The following MYO6 variants were observed in gnomAD, a reference collection of about 807,000 sequenced individuals.
MYO6 encodes myosin VI.
MYO6 carries 74 observed loss-of-function variants against 178.7 expected under a neutral mutation model. That is an observed-to-expected ratio of 0.41 (90% CI 0.34 to 0.50). MYO6 has a LOEUF of 0.50. Among genes scored for constraint, MYO6 ranks in the 20% least tolerant of loss-of-function variants. MYO6 has a pLI of 0.09. For synonymous variants in MYO6, 477 were observed against 504.6 expected, an observed-to-expected ratio of 0.95 and a Z score of 0.73; for missense variants, 1,330 against 1,547.4, an observed-to-expected ratio of 0.86 and a Z score of 2.36.
At chr6:75,794,439 G>A (rs1205981357) in intron 1 of MYO6, among the ~76,000 whole-genome samples, 2 of 152,036 alleles carry the variant, frequency 1.3e-5, no homozygotes, top group Non-Finnish European at 2.9e-5. Context: ...AATAAAAAGG[G>A]GTACGAATAA....
Position 75,844,039 on chromosome 6 carries a change from C to T in MYO6, c.817-858C>T, listed in dbSNP as rs534806600. On this transcript the variant is annotated intron_variant, in intron 9 of 34. Coordinates refer to ENST00000369977, the MANE Select transcript of MYO6 (RefSeq NM_004999.4). ...ATCCTGTTCTCTGTGTACATCCTTTCTGATCAGATTTGCCCAATTCCATCT... is the reference window on the plus strand; with the variant it reads ...ATCCTGTTCTCTGTGTACATCCTTTTTGATCAGATTTGCCCAATTCCATCT... Among the ~76,000 whole-genome samples, 4 of 152,260 alleles carry T rather than the reference C, an allele frequency of 2.6e-5. No individual in the cohort carries two copies. The South Asian group carries it at 8.3e-4, about 32-fold the overall frequency.
intron 9 of MYO6, among the ~76,000 whole-genome samples, chr6:75,841,804 A>C (rs1012135907): frequency 2.6e-5 from 4 of 152,198 alleles, no homozygotes; most frequent in Non-Finnish European, 5.9e-5. Flanking sequence ...CTTACATTGG[A>C]TCAAGTATAA....
rs750376415 is a variant in MYO6 at position 75,858,967 on chromosome 6, T to A, written c.1447T>A (p.Phe483Ile). The A allele has an allele frequency of 1.2e-6, 2 of 1,605,586 alleles. No homozygotes were observed. The highest frequency in any genetic ancestry group is 1.7e-6 in the Non-Finnish European group (2 of 1,173,108). ...CTATTGCAATGAAAAACTTCAACAA[T>A]TTTTTAATGAAAGGATTCTGAAGGA... ...INYCNEKLQQ[F>I]FNERILKEEQ... The change falls in exon 14 of 35, where the codon TTT (phenylalanine) becomes ATT (isoleucine). Residue 483 changes from phenylalanine to isoleucine, a missense_variant. This residue lies in a region of MYO6 where 613 missense variants were observed against 816.8 expected (regional missense o/e 0.75). Coordinates refer to ENST00000369977, the MANE Select transcript of MYO6 (RefSeq NM_004999.4).
chr6:75,871,578 C>T (rs1253973936), intron 19 of MYO6, among the ~76,000 whole-genome samples: 1 of 152,074 alleles, frequency 6.6e-6, no homozygotes, highest in Non-Finnish European at 1.5e-5. Flanking sequence ...TTCAAATAGT[C>T]ATTTTGAATA....
At chr6:75,870,367 T>G (rs1212335825) in intron 18 of MYO6, among the ~76,000 whole-genome samples, 1 of 152,240 alleles carries the variant, frequency 6.6e-6, no homozygotes, top group Non-Finnish European at 1.5e-5. Flanking sequence ...TCCTCATTCA[T>G]TCCATCTGCA....
intron 30 of MYO6, among the ~76,000 whole-genome samples, chr6:75,904,399 C>T (rs1581976246): frequency 1.3e-5 from 2 of 150,708 alleles, no homozygotes; most frequent in African/African-American, 4.9e-5. Context: ...TCACATAGTC[C>T]CATATTTCTT....
At chr6:75,786,746 C>A (rs1767601302) in intron 1 of MYO6, among the ~76,000 whole-genome samples, 1 of 152,178 alleles carries the variant, frequency 6.6e-6, no homozygotes, top group South Asian at 2.1e-4. Context: ...TTCTCTTTCT[C>A]TGTACATATA....
intron 1 of MYO6, among the ~76,000 whole-genome samples, chr6:75,754,535 A>AG (rs1562109402): frequency 6.6e-6 from 1 of 151,026 alleles, no homozygotes; most frequent in East Asian, 1.9e-4. Flanking sequence ...AAAAAAAAAA[A>AG]AAAAAAAAAA....
At chr6:75,841,567 A>G (rs1327681557) in intron 9 of MYO6, among the ~76,000 whole-genome samples, 189 bp downstream of exon 9, 5 of 151,620 alleles carry the variant, frequency 3.3e-5, no homozygotes, top group African/African-American at 4.8e-5. Flanking sequence ...GGTGGCACTC[A>G]CCTGTAGTTC....
intron 31 of MYO6, 86 bp downstream of exon 31, chr6:75,907,794 A>ATATGTGTG (rs1554222194): frequency 2.7e-6 from 2 of 750,494 alleles, no homozygotes; most frequent in Non-Finnish European, 4.7e-6. Flanking sequence ...GTGTGTGTGT[A>ATATGTGTG]TGTGTGTGTG....
chr6:75,800,586 C>A (rs1041279193), intron 1 of MYO6, among the ~76,000 whole-genome samples: 5 of 152,010 alleles, frequency 3.3e-5, no homozygotes, highest in Non-Finnish European at 7.4e-5. Flanking sequence ...CAAATTTAAA[C>A]GGGGAGCTAG....
At position 75,866,921 on chromosome 6, in the gene MYO6, T is replaced by A; in HGVS notation, c.1771-11T>A. ...ATGGACAGAAACATTCCTGTTTGAT[T>A]TATTTTTCAGACCCAGTTTGTGGAG... is the stretch of plus-strand genomic sequence containing the variant. On this transcript the variant is annotated splice_polypyrimidine_tract_variant and intron_variant, in intron 17 of 34. Transcript: ENST00000369977. 1 of 1,613,492 alleles carries A rather than the reference T, an allele frequency of 6.2e-7. No homozygotes were observed. Among genetic ancestry groups the A allele is most frequent in the Non-Finnish European group, 8.5e-7 (1 of 1,179,554 alleles).
chr6:75,889,564 T>C (rs2149366332), intron 25 of MYO6, among the ~76,000 whole-genome samples: 1 of 152,238 alleles, frequency 6.6e-6, no homozygotes, highest in African/African-American at 2.4e-5. Context: ...TGTACCACCA[T>C]GCCCAGCTAA....
chr6:75,844,848 TTCCCTGTGGATC>T, intron 9 of MYO6, 37 bp from the exon 10 acceptor site: 2 of 1,448,870 alleles, frequency 1.4e-6, no homozygotes, highest in Non-Finnish European at 1.9e-6. Context: ...CCTGTATTAT[TTCCCTGTGGATC>T]ATATATGTTA....
At chr6:75,905,040 G>A (rs1780164654) in intron 30 of MYO6, among the ~76,000 whole-genome samples, 1 of 152,270 alleles carries the variant, frequency 6.6e-6, no homozygotes, top group Non-Finnish European at 1.5e-5. Flanking sequence ...GGCTGCTTAG[G>A]GGTCAGGGGT....
chr6:75,879,021 A>G (rs1481444505), intron 20 of MYO6, among the ~76,000 whole-genome samples: 1 of 152,220 alleles, frequency 6.6e-6, no homozygotes, highest in Non-Finnish European at 1.5e-5. Context: ...GGCAGTCTTT[A>G]TAGTGAAACA....
intron 1 of MYO6, among the ~76,000 whole-genome samples, chr6:75,789,552 C>T (rs1266594610): frequency 1.3e-5 from 2 of 151,702 alleles, no homozygotes; most frequent in Admixed American, 6.6e-5. Context: ...TTCACCTGCC[C>T]CTCCCTCTCC....
At chr6:75,814,451 T>C (rs139662265) in intron 1 of MYO6, among the ~76,000 whole-genome samples, 2 of 152,314 alleles carry the variant, frequency 1.3e-5, no homozygotes, top group African/African-American at 4.8e-5. Flanking sequence ...CAATTTGGTG[T>C]TCCTGAAGGG....
In MYO6 at chr6:75,916,847, T is replaced by G. The variant is rs1463154774; in HGVS notation, c.*1835T>G. ...GAGAGAATCTAATGTTTCAGAAATTTGTAAGAAATGTATCACAGCAAAGGG... is the reference window on the plus strand; with the variant it reads ...GAGAGAATCTAATGTTTCAGAAATTGGTAAGAAATGTATCACAGCAAAGGG... On this transcript the variant is annotated 3_prime_UTR_variant, in exon 35 of 35. Coordinates refer to ENST00000369977, the MANE Select transcript of MYO6 (RefSeq NM_004999.4). The G allele has an allele frequency of 6.6e-6, 1 of 152,194 alleles. No individual in the cohort carries two copies. Among genetic ancestry groups the G allele is most frequent in the Admixed American group, 6.5e-5 (1 of 15,278 alleles). The allele number at this position is 152,194 out of a possible 1,614,324, so 9.4% of individuals were successfully genotyped here. A position where few individuals can be genotyped will look rare whatever the true frequency, so the allele number is the denominator to read the frequency against.
Sources: gnomAD v4.1 joint callset for allele counts (sites outside exome capture counted in the v4.1 genomes callset) on GRCh38, gnomAD v4.1.1 for gene constraint, gnomAD v4.1.1 regional missense constraint, MANE v1.5 for transcripts, NCBI Gene and HGNC (gene_info 2026-07-23, HGNC 2026-07-21) for gene names.